SVOP: variants seen among roughly 807,000 people sequenced by gnomAD.
SVOP encodes the protein SV2 related protein.
SVOP carries 17 observed loss-of-function variants against 69.1 expected under a neutral mutation model. The ratio of observed to expected loss-of-function variants is 0.25; its 90% confidence interval spans 0.17 to 0.37. The LOEUF is 0.37. Among genes scored for constraint, SVOP ranks in the 10% least tolerant of loss-of-function variants. The pLI, the probability that SVOP is intolerant of heterozygous loss-of-function variation, is 1.00. For missense variants in SVOP, 435 were observed against 597.5 expected, an observed-to-expected ratio of 0.73 and a Z score of 2.84; for synonymous variants, 238 against 238.6, an observed-to-expected ratio of 1.00 and a Z score of 0.02.
chr12:109,009,733 A>G (rs567586724), intron 1 of SVOP, among the ~76,000 whole-genome samples: 8 of 152,098 alleles, frequency 5.3e-5, no homozygotes, highest in Admixed American at 1.3e-4. Context: ...GTGGTTTTCA[A>G]CCGGGGCAAT....
At chr12:108,995,764 G>A (rs902175196) in intron 1 of SVOP, among the ~76,000 whole-genome samples, 1 of 151,950 alleles carries the variant, frequency 6.6e-6, no homozygotes, top group Non-Finnish European at 1.5e-5. Flanking sequence ...AGCCGGGCGT[G>A]TTGGGTCATG....
intron 5 of SVOP, among the ~76,000 whole-genome samples, chr12:108,971,965 G>A (rs189312202): frequency 4.7e-4 from 71 of 152,002 alleles, no homozygotes; most frequent in African/African-American, 1.6e-3. Context: ...AAGGTGGGAG[G>A]ATTGCTTGAG....
At position 108,912,187 on chromosome 12, in the gene SVOP, T is replaced by A. The variant is rs1566044982; in HGVS notation, c.*348A>T. On this transcript the variant is annotated 3_prime_UTR_variant, in exon 16 of 16. Transcript: ENST00000610966. Reference sequence around the variant, plus strand: ...CCTGGACGGTATCTACAGAGAGATATTTTGGTTGTTCACTGAGGGTTTGGC... The same window carrying A: ...CCTGGACGGTATCTACAGAGAGATAATTTGGTTGTTCACTGAGGGTTTGGC... 1 of 1,150,982 alleles carries A rather than the reference T, an allele frequency of 8.7e-7. No homozygotes were observed. The highest frequency in any genetic ancestry group is 1.1e-6 in the Non-Finnish European group (1 of 931,000). 71.3% of individuals were successfully genotyped at this position (1,150,982 alleles called of 1,614,324 possible).
chr12:108,974,004 T>C (rs969669759), intron 4 of SVOP, among the ~76,000 whole-genome samples: 1 of 152,234 alleles, frequency 6.6e-6, no homozygotes, highest in East Asian at 1.9e-4. Flanking sequence ...AGTTAGGTCA[T>C]GGAACATAAT....
chr12:108,934,559 T>C (rs2039844826), intron 10 of SVOP, among the ~76,000 whole-genome samples: 1 of 152,226 alleles, frequency 6.6e-6, no homozygotes, highest in Non-Finnish European at 1.5e-5. Flanking sequence ...AAATGAAGGC[T>C]GAGACCTACT....
intron 11 of SVOP, among the ~76,000 whole-genome samples, chr12:108,929,312 G>T (rs1056786813): frequency 6.6e-6 from 1 of 152,096 alleles, no homozygotes; most frequent in Admixed American, 6.6e-5. Context: ...TAGTTAGTTA[G>T]TTAGTTAGTT....
chr12:109,004,124 A>G (rs544391122), intron 1 of SVOP, among the ~76,000 whole-genome samples: 4 of 152,178 alleles, frequency 2.6e-5, no homozygotes, highest in Admixed American at 6.5e-5. Flanking sequence ...TCCTGAGGGG[A>G]AAAAAAAGTA....
At chr12:108,986,127 C>CT in intron 1 of SVOP, among the ~76,000 whole-genome samples, 1 of 152,216 alleles carries the variant, frequency 6.6e-6, no homozygotes, top group South Asian at 2.1e-4. Context: ...CTACCACAGT[C>CT]ACCTCTAATA....
intron 4 of SVOP, among the ~76,000 whole-genome samples, chr12:108,974,274 C>T (rs2040094844): frequency 6.6e-6 from 1 of 152,154 alleles, no homozygotes; most frequent in Non-Finnish European, 1.5e-5. Flanking sequence ...TTCCACACCA[C>T]TCATTAAGGG....
rs2039758468 is a variant in SVOP at position 108,922,866 on chromosome 12, C to T, written c.1049-69G>A. 2.8e-6 allele frequency: 3 copies of T among 1,064,484 alleles called. No individual in the cohort carries two copies. In the Admixed American group the frequency reaches 6.0e-5, roughly 21 times the overall value. The allele number at this position is 1,064,484 out of a possible 1,614,324, so 65.9% of individuals were successfully genotyped here. A position where few individuals can be genotyped will look rare whatever the true frequency, so the allele number is the denominator to read the frequency against. On this transcript the variant is annotated intron_variant, in intron 11 of 15. Transcript: ENST00000610966. Reference sequence around the variant, plus strand: ...TCTTGAATCACACCTTCCTGCTCCCCATACCTCCTTCCCTGGGGTGATTCA... The same window carrying T: ...TCTTGAATCACACCTTCCTGCTCCCTATACCTCCTTCCCTGGGGTGATTCA...
rs2039660190 is a variant in SVOP at position 108,908,271 on chromosome 12, A to T, written c.*4264T>A. 1 of 152,228 alleles carries T rather than the reference A, an allele frequency of 6.6e-6. No individual in the cohort carries two copies. The highest frequency in any genetic ancestry group is 6.5e-5 in the Admixed American group (1 of 15,274). The allele number at this position is 152,228 out of a possible 1,614,324, so 9.4% of individuals were successfully genotyped here. Reference sequence around the variant, plus strand: ...GTCTTGGGCCCCAGTGGTTTCCCAGATCCCTGTTCCTCTGAATGACACCAG... The same window carrying T: ...GTCTTGGGCCCCAGTGGTTTCCCAGTTCCCTGTTCCTCTGAATGACACCAG... On this transcript the variant is annotated 3_prime_UTR_variant, in exon 16 of 16. Transcript: ENST00000610966.
chr12:108,934,298 A>G, intron 10 of SVOP, 27 bp from the exon 11 acceptor site: 3 of 1,568,114 alleles, frequency 1.9e-6, no homozygotes, highest in Non-Finnish European at 2.6e-6. Context: ...AGAAAGGTAA[A>G]GAAATGATCA....
In SVOP at chr12:108,910,011, G is replaced by T. The variant is rs1305961869; in HGVS notation, c.*2524C>A. 6.6e-6 allele frequency: 1 copy of T among 152,426 alleles called. No homozygotes were observed. Among genetic ancestry groups the T allele is most frequent in the Non-Finnish European group, 1.5e-5 (1 of 68,230 alleles). 9.4% of individuals were successfully genotyped at this position (152,426 alleles called of 1,614,324 possible). ...GTCTTGCTCTGTCGCCCAGGCTGGA[G>T]TGCAGTGGCGCGATCTCGGCTCACT... On this transcript the variant is annotated 3_prime_UTR_variant, in exon 16 of 16. Transcript: ENST00000610966.
intron 1 of SVOP, among the ~76,000 whole-genome samples, chr12:108,993,027 C>T (rs1055008922): frequency 2.0e-5 from 3 of 152,036 alleles, no homozygotes; most frequent in African/African-American, 4.8e-5. Flanking sequence ...GGTAACATAG[C>T]GAGACCCCGT....
At chr12:108,937,217 G>A in intron 10 of SVOP, 47 bp downstream of exon 10, 1 of 1,595,578 alleles carries the variant, frequency 6.3e-7, no homozygotes, top group Non-Finnish European at 8.6e-7. Flanking sequence ...CCAAAACAGG[G>A]CACAGGGAGT....
At chr12:108,977,338 A>G in intron 4 of SVOP, 60 bp downstream of exon 4, 1 of 1,514,598 alleles carries the variant, frequency 6.6e-7, no homozygotes, top group Non-Finnish European at 8.8e-7. Flanking sequence ...GAGATATCCC[A>G]CAGGACACCC....
chr12:108,954,756 G>A (rs1255717574), intron 6 of SVOP, among the ~76,000 whole-genome samples: 3 of 152,262 alleles, frequency 2.0e-5, no homozygotes, highest in Admixed American at 1.3e-4. Context: ...TTAGCTGGGC[G>A]CCATGATGCA....
Position 108,942,775 on chromosome 12 carries a change from G to A in SVOP, c.643-1866C>T, listed in dbSNP as rs146185133. 4.5e-3 allele frequency among the ~76,000 whole-genome samples: 685 copies of A among 152,282 alleles called. 7 individuals carry two copies. Among genetic ancestry groups the A allele is most frequent in the African/African-American group, 0.016 (650 of 41,554 alleles). On this transcript the variant is annotated intron_variant, in intron 7 of 15. Transcript: ENST00000610966. ...ATTATTTATTTATTTGTTTGTTGTTGTTGTTTTGAGACGGAGTCTCACTCT... is the reference window on the plus strand; with the variant it reads ...ATTATTTATTTATTTGTTTGTTGTTATTGTTTTGAGACGGAGTCTCACTCT...
intron 1 of SVOP, among the ~76,000 whole-genome samples, chr12:109,009,736 G>A (rs937343760): frequency 6.6e-6 from 1 of 152,004 alleles, no homozygotes; most frequent in Non-Finnish European, 1.5e-5. Flanking sequence ...GTTTTCAACC[G>A]GGGCAATTTA....
Sources: gnomAD v4.1 joint callset for allele counts (sites outside exome capture counted in the v4.1 genomes callset) on GRCh38, gnomAD v4.1.1 for gene constraint, MANE v1.5 for transcripts, NCBI Gene and HGNC (gene_info 2026-07-23, HGNC 2026-07-21) for gene names.